BNC2: variants seen among roughly 807,000 people sequenced by gnomAD.
BNC2 encodes zinc finger protein basonuclin-2.
A neutral mutation model predicts 76.3 loss-of-function variants in BNC2; 20 were observed. That is an observed-to-expected ratio of 0.26 (90% CI 0.18 to 0.38). The LOEUF is 0.38. BNC2 is among the 10% of genes least tolerant of loss of function. The pLI, the probability that BNC2 is intolerant of heterozygous loss-of-function variation, is 1.00. For missense variants in BNC2, 1,382 were observed against 1,399.8 expected (o/e 0.99, Z 0.20); for synonymous variants, 582 against 514.8 (o/e 1.13, Z -1.77).
chr9:16,780,061 C>A (rs1428743609), intron 1 of BNC2, among the ~76,000 whole-genome samples: 1 of 149,820 alleles, frequency 6.7e-6, no homozygotes, highest in Non-Finnish European at 1.5e-5. Flanking sequence ...ATGGTGAAAC[C>A]CCATCTCTAC....
chr9:16,795,511 C>A (rs1469512182), intron 1 of BNC2, among the ~76,000 whole-genome samples: 2 of 151,982 alleles, frequency 1.3e-5, no homozygotes, highest in African/African-American at 4.8e-5. Context: ...GCCAGACGGC[C>A]ATGCAATTAT....
Position 16,437,228 on chromosome 9 carries a change from C to A in BNC2, c.966G>T (p.Leu322=). Reference sequence around the variant, plus strand: ...CAGGGTTTATGTACTGGAATGGAAGCAGAAATGCAAGGCTGTTTGGGATGT... The same window carrying A: ...CAGGGTTTATGTACTGGAATGGAAGAAGAAATGCAAGGCTGTTTGGGATGT... The part of the protein sequence containing the change: ...FENIPNSLAF[L]LPFQYINPVS... The change falls in exon 6 of 7, where the codon CTG becomes CTT. Residue 322 remains leucine, a synonymous_variant. Coordinates refer to ENST00000380672, the MANE Select transcript of BNC2 (RefSeq NM_017637.6). 1 of 1,614,126 alleles carries A rather than the reference C, an allele frequency of 6.2e-7. No individual in the cohort carries two copies. Among genetic ancestry groups the A allele is most frequent in the Non-Finnish European group, 8.5e-7 (1 of 1,180,016 alleles).
chr9:16,462,141 C>T (rs1010577283), intron 5 of BNC2, among the ~76,000 whole-genome samples: 1 of 152,168 alleles, frequency 6.6e-6, no homozygotes, highest in Non-Finnish European at 1.5e-5. Flanking sequence ...CAGAAATCCT[C>T]CTGCTGTCTC....
intron 4 of BNC2, among the ~76,000 whole-genome samples, chr9:16,556,298 A>C (rs1818829127): frequency 6.6e-6 from 1 of 152,068 alleles, no homozygotes; most frequent in Non-Finnish European, 1.5e-5. Context: ...CTCCAAAAAC[A>C]AACAAACAAA....
chr9:16,829,706 T>A (rs766381471), intron 1 of BNC2, among the ~76,000 whole-genome samples: 6 of 152,176 alleles, frequency 3.9e-5, no homozygotes, highest in Non-Finnish European at 7.3e-5. Flanking sequence ...TGTTAAATAT[T>A]TGCTGATCAA....
chr9:16,686,855 T>C (rs1322154213), intron 3 of BNC2, among the ~76,000 whole-genome samples: 1 of 152,122 alleles, frequency 6.6e-6, no homozygotes, highest in Non-Finnish European at 1.5e-5. Context: ...TTAGGTCCAG[T>C]TCTCTCATTC....
intron 3 of BNC2, among the ~76,000 whole-genome samples, chr9:16,590,069 G>C (rs1196499890): frequency 1.3e-5 from 2 of 151,778 alleles, no homozygotes; most frequent in African/African-American, 4.8e-5. Flanking sequence ...GACCAGCCTG[G>C]GCAACATGGC....
At chr9:16,515,545 C>T (rs936163860) in intron 5 of BNC2, among the ~76,000 whole-genome samples, 1 of 151,892 alleles carries the variant, frequency 6.6e-6, no homozygotes, top group South Asian at 2.1e-4. Context: ...GGATGGATCC[C>T]GTTAAAGATC....
At chr9:16,454,443 G>T (rs528829466) in intron 5 of BNC2, among the ~76,000 whole-genome samples, 1 of 152,084 alleles carries the variant, frequency 6.6e-6, no homozygotes, top group Non-Finnish European at 1.5e-5. Context: ...TAGGACTACA[G>T]GCATGTGCCA....
intron 3 of BNC2, among the ~76,000 whole-genome samples, chr9:16,589,507 T>TTGTC (rs1554681849): frequency 6.7e-6 from 1 of 149,328 alleles, no homozygotes; most frequent in Admixed American, 6.7e-5. Flanking sequence ...TTTTGTTTGT[T>TTGTC]TGTTTGTTTG....
intron 1 of BNC2, among the ~76,000 whole-genome samples, chr9:16,842,575 C>T (rs1400295656): frequency 6.6e-6 from 1 of 152,052 alleles, no homozygotes; most frequent in African/African-American, 2.4e-5. Context: ...GTTCCACAGC[C>T]TTGTGAGTAT....
At chr9:16,594,438 T>C (rs1336625954) in intron 3 of BNC2, among the ~76,000 whole-genome samples, 3 of 152,186 alleles carry the variant, frequency 2.0e-5, no homozygotes, top group Non-Finnish European at 4.4e-5. Context: ...GCCCACCTTA[T>C]TTCAAATGCC....
intron 1 of BNC2, among the ~76,000 whole-genome samples, chr9:16,795,000 C>T (rs1343534381): frequency 6.6e-6 from 1 of 152,134 alleles, no homozygotes; most frequent in Non-Finnish European, 1.5e-5. Flanking sequence ...TCCATGCCCA[C>T]GAACAGCCCA....
At chr9:16,828,858 C>T (rs1756515575) in intron 1 of BNC2, among the ~76,000 whole-genome samples, 1 of 152,174 alleles carries the variant, frequency 6.6e-6, no homozygotes, top group Non-Finnish European at 1.5e-5. Flanking sequence ...ACTGGAATAA[C>T]CTGAATATGT....
chr9:16,618,072 C>T (rs74613898), intron 3 of BNC2, among the ~76,000 whole-genome samples: 3,768 of 152,282 alleles, frequency 0.025, 144 homozygotes, highest in African/African-American at 0.083. Context: ...ACCTATTCTA[C>T]GTGCCCTCAC....
chr9:16,779,906 A>C (rs576450767), intron 1 of BNC2, among the ~76,000 whole-genome samples: 9 of 152,304 alleles, frequency 5.9e-5, no homozygotes, highest in African/African-American at 1.7e-4. Flanking sequence ...AAACGGTTTA[A>C]AATTGAATGT....
intron 1 of BNC2, among the ~76,000 whole-genome samples, chr9:16,770,214 T>C (rs902008518): frequency 6.6e-6 from 1 of 151,758 alleles, no homozygotes; most frequent in Non-Finnish European, 1.5e-5. Context: ...TACAGGAGAG[T>C]TGACAGTGGA....
At chr9:16,534,364 G>C (rs1818069156) in intron 5 of BNC2, among the ~76,000 whole-genome samples, 1 of 152,112 alleles carries the variant, frequency 6.6e-6, no homozygotes, top group Non-Finnish European at 1.5e-5. Context: ...TACCATGGTT[G>C]CAAAACCACA....
intron 3 of BNC2, among the ~76,000 whole-genome samples, chr9:16,640,589 G>T (rs941512328): frequency 6.6e-6 from 1 of 152,132 alleles, no homozygotes; most frequent in Non-Finnish European, 1.5e-5. Context: ...CATTCTATTA[G>T]GCTGAGAAAA....
Sources: gnomAD v4.1 joint callset for allele counts (sites outside exome capture counted in the v4.1 genomes callset) on GRCh38, gnomAD v4.1.1 for gene constraint, MANE v1.5 for transcripts, NCBI Gene and HGNC (gene_info 2026-07-23, HGNC 2026-07-21) for gene names.